Variants in CADM2 observed in about 807,000 individuals in gnomAD.
CADM2 encodes immunoglobulin superfamily member 4D.
Under a neutral mutation model 49.8 loss-of-function variants are expected in CADM2, and 12 were observed. The observed-to-expected ratio is 0.24, with a 90% confidence interval of 0.15 to 0.39. The LOEUF is 0.39. Ranked by LOEUF, CADM2 falls within the 10% of genes least tolerant of loss-of-function variation. The probability of loss-of-function intolerance (pLI) is 1.00; values close to 1 mark genes in which losing one functional copy is unlikely to be tolerated. For missense variants in CADM2, 378 were observed against 492.3 expected (o/e 0.77, Z 2.20); for synonymous variants, 214 against 175.4 (o/e 1.22, Z -1.74).
intron 1 of CADM2, among the ~76,000 whole-genome samples, chr3:85,558,094 G>C (rs2062005874): frequency 6.6e-6 from 1 of 151,842 alleles, no homozygotes. Context: ...ACACTTCCTT[G>C]ATGTGTGTGA....
chr3:85,180,410 G>T (rs1375750862), intron 1 of CADM2, among the ~76,000 whole-genome samples: 1 of 149,648 alleles, frequency 6.7e-6, no homozygotes, highest in Non-Finnish European at 1.5e-5. Context: ...TTGGGAGGAT[G>T]AAGTGGGAGG....
rs190479811 is a variant in CADM2, at chr3:86,068,332, G to A, written c.*1549G>A. 88 of 151,944 alleles carry A rather than the reference G, an allele frequency of 5.8e-4. No homozygotes were observed. The highest frequency in any genetic ancestry group is 2.0e-3 in the African/African-American group (81 of 41,496). 9.4% of individuals were successfully genotyped at this position (151,944 alleles called of 1,614,324 possible). A position where few individuals can be genotyped will look rare whatever the true frequency, so the allele number is the denominator to read the frequency against. ...CTTCTAGTAAAATAAAATATTGTTA[G>A]ATTAGTTCTCATTAAATTTATTATA... On this transcript the variant is annotated 3_prime_UTR_variant, in exon 10 of 10. Transcript: ENST00000383699.
At chr3:85,929,422 T>TC (rs1720318244) in intron 6 of CADM2, among the ~76,000 whole-genome samples, 4 of 152,086 alleles carry the variant, frequency 2.6e-5, no homozygotes. Context: ...AACTTTTTTT[T>TC]CTAAATCTAG....
At chr3:85,435,973 G>T (rs529527346) in intron 1 of CADM2, among the ~76,000 whole-genome samples, 1 of 150,658 alleles carries the variant, frequency 6.6e-6, no homozygotes, top group East Asian at 2.0e-4. Context: ...TCTGTAAGTT[G>T]CCTGTTCACT....
chr3:85,090,754 C>A (rs543169805), intron 1 of CADM2, among the ~76,000 whole-genome samples: 35 of 152,260 alleles, frequency 2.3e-4, no homozygotes, highest in African/African-American at 8.2e-4. Flanking sequence ...GCATTAGATT[C>A]TCATAGAAGT....
intron 8 of CADM2, among the ~76,000 whole-genome samples, chr3:86,045,876 A>T (rs988145854): frequency 7.2e-5 from 11 of 152,204 alleles, no homozygotes; most frequent in African/African-American, 2.7e-4. Flanking sequence ...TTTACACTTA[A>T]GAAGTCTCAG....
intron 8 of CADM2, among the ~76,000 whole-genome samples, chr3:86,017,176 A>G (rs747859342): frequency 0.11 from 15,410 of 134,930 alleles, 998 homozygotes; most frequent in Non-Finnish European, 0.14. Context: ...GTGTATATAT[A>G]TATATATATA....
intron 1 of CADM2, among the ~76,000 whole-genome samples, chr3:85,131,364 C>A (rs577174846): frequency 6.6e-6 from 1 of 152,174 alleles, no homozygotes; most frequent in East Asian, 1.9e-4. Flanking sequence ...ATAGTTAAGA[C>A]CTCAATGTCC....
chr3:85,187,143 A>T (rs1348341709), intron 1 of CADM2, among the ~76,000 whole-genome samples: 2 of 152,194 alleles, frequency 1.3e-5, no homozygotes, highest in East Asian at 3.9e-4. Context: ...ATTGTTCAAT[A>T]TCACACAGAT....
intron 7 of CADM2, among the ~76,000 whole-genome samples, chr3:85,941,734 G>A (rs1034851674): frequency 2.0e-5 from 3 of 152,016 alleles, no homozygotes; most frequent in African/African-American, 7.2e-5. Context: ...TTGAGTGAAA[G>A]GGACTAAGTA....
At chr3:85,825,654 A>T (rs542540175) in intron 3 of CADM2, among the ~76,000 whole-genome samples, 1 of 152,116 alleles carries the variant, frequency 6.6e-6, no homozygotes, top group Non-Finnish European at 1.5e-5. Context: ...TTAAAGGGCT[A>T]TCTGTAGGAT....
chr3:85,699,305 G>A (rs1257465852), intron 1 of CADM2, among the ~76,000 whole-genome samples: 1 of 152,140 alleles, frequency 6.6e-6, no homozygotes, highest in Non-Finnish European at 1.5e-5. Context: ...CTGGAGGATG[G>A]CGGCCCCCTT....
At chr3:85,758,642 G>T (rs2069230760) in intron 2 of CADM2, among the ~76,000 whole-genome samples, 1 of 152,052 alleles carries the variant, frequency 6.6e-6, no homozygotes, top group South Asian at 2.1e-4. Context: ...TGAGTCAGAG[G>T]TTTAAGTATG....
intron 1 of CADM2, among the ~76,000 whole-genome samples, chr3:85,252,812 C>G (rs1428121090): frequency 6.6e-6 from 1 of 151,556 alleles, no homozygotes; most frequent in Non-Finnish European, 1.5e-5. Flanking sequence ...TTGCCCTTTC[C>G]ACTAACCGTG....
intron 1 of CADM2, among the ~76,000 whole-genome samples, chr3:85,643,701 A>T (rs2064799713): frequency 6.6e-6 from 1 of 152,158 alleles, no homozygotes; most frequent in Non-Finnish European, 1.5e-5. Context: ...TTGTGATACT[A>T]TAATGCTACA....
At chr3:85,649,760 T>C (rs1412521458) in intron 1 of CADM2, among the ~76,000 whole-genome samples, 1 of 152,190 alleles carries the variant, frequency 6.6e-6, no homozygotes, top group Non-Finnish European at 1.5e-5. Context: ...TCATGCTTTG[T>C]GTCTCATGGT....
chr3:85,281,363 A>G (rs1178227118), intron 1 of CADM2, among the ~76,000 whole-genome samples: 1 of 152,028 alleles, frequency 6.6e-6, no homozygotes, highest in African/African-American at 2.4e-5. Flanking sequence ...TTTTGGGCAG[A>G]TTATTTTAAT....
intron 1 of CADM2, among the ~76,000 whole-genome samples, chr3:85,389,499 A>G (rs944218966): frequency 6.6e-6 from 1 of 152,068 alleles, no homozygotes; most frequent in Non-Finnish European, 1.5e-5. Flanking sequence ...TATCTATTCT[A>G]CATAATACAT....
chr3:85,965,713 G>T (rs543712860), intron 8 of CADM2, among the ~76,000 whole-genome samples: 105 of 151,586 alleles, frequency 6.9e-4, no homozygotes, highest in Non-Finnish European at 1.3e-3. Flanking sequence ...AGAAAATATA[G>T]GTTGAATATC....
Sources: allele counts gnomAD v4.1 joint callset (sites outside exome capture counted in the v4.1 genomes callset), GRCh38; gene constraint gnomAD v4.1.1; transcripts MANE v1.5; gene names NCBI Gene and HGNC (gene_info 2026-07-23, HGNC 2026-07-21).